The following UTRN variants were observed in gnomAD, a reference collection of about 807,000 sequenced individuals.
UTRN encodes the protein utrophin, also known as dystrophin-related protein 1.
Under a neutral mutation model 463.9 loss-of-function variants are expected in UTRN, and 283 were observed. The observed-to-expected ratio is 0.61, with a 90% confidence interval of 0.55 to 0.67. The LOEUF is 0.67. Ranked by LOEUF, UTRN falls within the 30% of genes least tolerant of loss-of-function variation. UTRN has a pLI of 0.00. For synonymous variants in UTRN, 1,442 were observed against 1,431.5 expected, an observed-to-expected ratio of 1.01 and a Z score of -0.17; for missense variants, 3,922 against 4,084.3, an observed-to-expected ratio of 0.96 and a Z score of 1.08.
At chr6:144,327,056 G>A (rs1472354199) in intron 2 of UTRN, among the ~76,000 whole-genome samples, 1 of 152,150 alleles carries the variant, frequency 6.6e-6, no homozygotes, top group Non-Finnish European at 1.5e-5. Context: ...TTAGGCTTCT[G>A]TCTGCTGTGT....
At chr6:144,747,652 A>G (rs547464389) in intron 54 of UTRN, among the ~76,000 whole-genome samples, 1 of 152,294 alleles carries the variant, frequency 6.6e-6, no homozygotes, top group African/African-American at 2.4e-5. Flanking sequence ...ATGGTCCTTG[A>G]AATCTTGCTA....
At chr6:144,843,444 GA>G (rs756502388) in intron 73 of UTRN, among the ~76,000 whole-genome samples, 83 of 152,060 alleles carry the variant, frequency 5.5e-4, no homozygotes, top group Non-Finnish European at 9.4e-4. Flanking sequence ...TTTTAAAACA[GA>G]ACATTATTAA....
At chr6:144,781,094 C>T (rs1775786615) in intron 60 of UTRN, among the ~76,000 whole-genome samples, 1 of 152,240 alleles carries the variant, frequency 6.6e-6, no homozygotes, top group African/African-American at 2.4e-5. Context: ...GCCTTCACCT[C>T]CTGTGCACAC....
At chr6:144,448,421 G>A (rs1787910922) in intron 16 of UTRN, among the ~76,000 whole-genome samples, 179 bp from the exon 17 acceptor site, 1 of 152,158 alleles carries the variant, frequency 6.6e-6, no homozygotes, top group African/African-American at 2.4e-5. Context: ...ATGGCTATGG[G>A]ATTTCTTTTT....
rs377032020 is a variant in UTRN at position 144,426,316 on chromosome 6, G to C, written c.435G>C (p.Ser145=). ...QVKDVMKDVM[S]DLQQTNSEKI... is the part of the protein sequence containing the mutation. ...AAGATGTCATGAAGGATGTCATGTC[G>C]GACCTGCAGCAGACGAACAGTGAGA... Residue 145 remains serine (S), a synonymous_variant, in exon 7 of 75, where the codon TCG becomes TCC. Transcript: ENST00000367545. The C allele has an allele frequency of 6.2e-7, 1 of 1,613,688 alleles. No individual in the cohort carries two copies. Among genetic ancestry groups the C allele is most frequent in the East Asian group, 2.2e-5 (1 of 44,830 alleles).
intron 50 of UTRN, 141 bp downstream of exon 50, chr6:144,557,452 G>C (rs1441524372): frequency 1.2e-6 from 1 of 846,110 alleles, no homozygotes. Context: ...GTGATGTTCT[G>C]AGTTAGTATT....
rs1777649176 is a variant in UTRN at position 144,347,077 on chromosome 6, C to T, written c.79+55170C>T. Among the ~76,000 whole-genome samples the T allele has an allele frequency of 3.9e-5, 6 of 152,220 alleles. No homozygotes were observed. The South Asian group carries it at 1.2e-3, about 31-fold the overall frequency. On this transcript the variant is annotated intron_variant, in intron 2 of 74. Coordinates refer to ENST00000367545, the MANE Select transcript of UTRN (RefSeq NM_007124.3). ...TAGGCATCTATGAAGGCCCAGATGA[C>T]TCATGTCTGGAAATTGCCACTGCTC...
intron 35 of UTRN, among the ~76,000 whole-genome samples, chr6:144,512,283 T>C (rs1023168464): frequency 6.6e-6 from 1 of 152,120 alleles, no homozygotes; most frequent in African/African-American, 2.4e-5. Flanking sequence ...TTTCACATTC[T>C]TATGGCCCTT....
chr6:144,453,956 A>C (rs182343025), intron 19 of UTRN, 87 bp downstream of exon 19: 37 of 1,105,910 alleles, frequency 3.3e-5, no homozygotes, highest in Non-Finnish European at 1.8e-5. Context: ...ATTTTGCTTT[A>C]ATACTCGAAT....
chr6:144,393,314 A>G (rs1395573302), intron 2 of UTRN, among the ~76,000 whole-genome samples: 8 of 152,238 alleles, frequency 5.3e-5, no homozygotes, highest in Admixed American at 5.2e-4. Context: ...CACGATTTAA[A>G]TTTATGATAA....
rs1357632214 is a variant in UTRN at position 144,846,821 on chromosome 6, G to A, written c.10287G>A (p.Arg3429=). The A allele has an allele frequency of 2.5e-6, 4 of 1,614,026 alleles. No homozygotes were observed. Among genetic ancestry groups the A allele is most frequent in the Non-Finnish European group, 3.4e-6 (4 of 1,179,928 alleles). ...FPSCCPNVPS[R]PQAM The stretch of plus-strand genomic sequence containing the variant: ...CTCTTTCAGCAAATGTTCCCAGCAG[G>A]CCACAGGTAAGAGTTAATGGCTTGG... The change falls in exon 74 of 75, where the codon AGG becomes AGA. Residue 3429 remains arginine, a synonymous_variant. Transcript: ENST00000367545.
chr6:144,287,430 C>T (rs1197485365), intron 1 of UTRN, among the ~76,000 whole-genome samples: 1 of 152,204 alleles, frequency 6.6e-6, no homozygotes, highest in East Asian at 1.9e-4. Context: ...GAGCAGCAAA[C>T]TCTTGTCCGC....
chr6:144,664,740 T>C (rs1780212420), intron 51 of UTRN, among the ~76,000 whole-genome samples: 1 of 151,884 alleles, frequency 6.6e-6, no homozygotes, highest in Admixed American at 6.6e-5. Flanking sequence ...AGAATAATAA[T>C]TAAAATCAAT....
At chr6:144,324,118 G>A (rs1481450856) in intron 2 of UTRN, among the ~76,000 whole-genome samples, 2 of 152,106 alleles carry the variant, frequency 1.3e-5, no homozygotes, top group African/African-American at 2.4e-5. Context: ...TACACTGGGT[G>A]TATTTTTATT....
intron 2 of UTRN, chr6:144,398,166 C>T: frequency 8.0e-6 from 2 of 249,238 alleles, no homozygotes; most frequent in Non-Finnish European, 1.7e-5. Flanking sequence ...GGTGGTGTAC[C>T]TGCTCTTGCA....
chr6:144,509,469 T>G (rs1794993247), intron 34 of UTRN, among the ~76,000 whole-genome samples: 1 of 152,028 alleles, frequency 6.6e-6, no homozygotes, highest in Non-Finnish European at 1.5e-5. Flanking sequence ...AATTTGTTTC[T>G]TTTGGAACAA....
chr6:144,386,966 C>T (rs1781477436), intron 2 of UTRN, among the ~76,000 whole-genome samples: 1 of 152,036 alleles, frequency 6.6e-6, no homozygotes, highest in Non-Finnish European at 1.5e-5. Flanking sequence ...TAGTAGTTGG[C>T]ATTTCATCAA....
At chr6:144,384,861 A>G (rs1269613500) in intron 2 of UTRN, among the ~76,000 whole-genome samples, 2 of 152,178 alleles carry the variant, frequency 1.3e-5, no homozygotes, top group Non-Finnish European at 2.9e-5. Context: ...TAGCGTTCCT[A>G]TTAACATGGA....
intron 37 of UTRN, among the ~76,000 whole-genome samples, chr6:144,515,575 T>G (rs1795545031): frequency 6.6e-6 from 1 of 152,164 alleles, no homozygotes; most frequent in South Asian, 2.1e-4. Flanking sequence ...TTTTATAAAT[T>G]TAATAAAGAG....
Sources: gnomAD v4.1 joint callset for allele counts (sites outside exome capture counted in the v4.1 genomes callset) on GRCh38, gnomAD v4.1.1 for gene constraint, MANE v1.5 for transcripts, NCBI Gene and HGNC (gene_info 2026-07-23, HGNC 2026-07-21) for gene names.